Variants in PLA2G4A observed in about 807,000 individuals in gnomAD.
PLA2G4A encodes the protein phospholipase A2 group IVA, also known as cytosolic phospholipase A2.
A neutral mutation model predicts 81.9 loss-of-function variants in PLA2G4A; 40 were observed. That is an observed-to-expected ratio of 0.49 (90% CI 0.38 to 0.64). The LOEUF is 0.64. PLA2G4A is among the 30% of genes least tolerant of loss of function. PLA2G4A has a pLI of 0.00. For synonymous variants in PLA2G4A, 302 were observed against 296.9 expected, an observed-to-expected ratio of 1.02 and a Z score of -0.18; for missense variants, 715 against 905.1, an observed-to-expected ratio of 0.79 and a Z score of 2.69.
At chr1:186,836,734 T>C (rs1651791413) in intron 1 of PLA2G4A, among the ~76,000 whole-genome samples, 1 of 152,248 alleles carries the variant, frequency 6.6e-6, no homozygotes, top group Non-Finnish European at 1.5e-5. Flanking sequence ...AACAGCTACA[T>C]GCTAGGTACT....
chr1:186,875,009 A>G (rs1653414766), intron 3 of PLA2G4A, among the ~76,000 whole-genome samples: 1 of 152,098 alleles, frequency 6.6e-6, no homozygotes, highest in South Asian at 2.1e-4. Flanking sequence ...TTAAATTATA[A>G]TGTCCATATG....
At chr1:186,861,273 A>G (rs1366281979) in intron 2 of PLA2G4A, among the ~76,000 whole-genome samples, 3 of 152,078 alleles carry the variant, frequency 2.0e-5, no homozygotes, top group African/African-American at 7.2e-5. Flanking sequence ...TTGAAACAGG[A>G]GTGTGGTTTA....
At chr1:186,961,955 A>G (rs949509473) in intron 14 of PLA2G4A, among the ~76,000 whole-genome samples, 1 of 152,190 alleles carries the variant, frequency 6.6e-6, no homozygotes, top group South Asian at 2.1e-4. Flanking sequence ...TTTAAATTGC[A>G]TGCCATTCTG....
At chr1:186,844,950 C>G (rs1297078354) in intron 1 of PLA2G4A, among the ~76,000 whole-genome samples, 1 of 152,120 alleles carries the variant, frequency 6.6e-6, no homozygotes, top group Non-Finnish European at 1.5e-5. Context: ...CCTGATCACA[C>G]TGTAATCCCC....
chr1:186,928,646 C>G (rs553061547), intron 7 of PLA2G4A, among the ~76,000 whole-genome samples: 5 of 152,180 alleles, frequency 3.3e-5, no homozygotes, highest in South Asian at 2.1e-4. Flanking sequence ...TTTGAAAAAC[C>G]CTGACTAATA....
intron 6 of PLA2G4A, 71 bp downstream of exon 6, chr1:186,907,073 A>AT: frequency 2.5e-6 from 2 of 808,666 alleles, no homozygotes; most frequent in Non-Finnish European, 4.3e-6. Flanking sequence ...TTGTTAAAGA[A>AT]TTTTTTTATA....
At chr1:186,836,548 A>C (rs1170331464) in intron 1 of PLA2G4A, among the ~76,000 whole-genome samples, 1 of 152,158 alleles carries the variant, frequency 6.6e-6, no homozygotes, top group Non-Finnish European at 1.5e-5. Flanking sequence ...ATTTTTTAAT[A>C]CTTAGAAAAA....
intron 5 of PLA2G4A, among the ~76,000 whole-genome samples, chr1:186,903,894 T>C (rs1426999165): frequency 6.6e-6 from 1 of 152,180 alleles, no homozygotes; most frequent in Non-Finnish European, 1.5e-5. Context: ...CATGTTAAAA[T>C]TGTCTTCCAC....
intron 14 of PLA2G4A, among the ~76,000 whole-genome samples, chr1:186,962,297 C>G (rs567175365): frequency 7.2e-5 from 11 of 152,000 alleles, no homozygotes; most frequent in Non-Finnish European, 1.3e-4. Context: ...GAGATTTGTA[C>G]TATGCACAGT....
chr1:186,922,887 C>T (rs927518814), intron 7 of PLA2G4A, among the ~76,000 whole-genome samples: 9 of 152,168 alleles, frequency 5.9e-5, no homozygotes, highest in African/African-American at 1.7e-4. Context: ...TGACGGGGGG[C>T]TGCATGCACT....
chr1:186,869,830 G>A (rs1261743689), intron 2 of PLA2G4A, among the ~76,000 whole-genome samples: 2 of 152,106 alleles, frequency 1.3e-5, no homozygotes, highest in African/African-American at 4.8e-5. Context: ...TTCCCATTTA[G>A]GTGAAGTGTC....
Position 186,893,302 on chromosome 1 carries a change from G to C in PLA2G4A, c.264+143G>C, listed in dbSNP as rs1397650222. The stretch of plus-strand genomic sequence containing the variant: ...AGCTTGGTAGACTAGAATCTAAATG[G>C]TGTCTGTCAAGTAATATGAGTGTCT... On this transcript the variant is annotated intron_variant, in intron 4 of 17. Transcript: ENST00000367466. 7.6e-6 allele frequency: 6 copies of C among 785,508 alleles called. No homozygotes were observed. The Admixed American group carries it at 1.0e-4, about 14-fold the overall frequency. 48.7% of individuals were successfully genotyped at this position (785,508 alleles called of 1,614,324 possible). A position where few individuals can be genotyped will look rare whatever the true frequency, so the allele number is the denominator to read the frequency against.
chr1:186,840,034 G>A (rs1373078339), intron 1 of PLA2G4A, among the ~76,000 whole-genome samples: 1 of 133,668 alleles, frequency 7.5e-6, no homozygotes, highest in African/African-American at 2.9e-5. Context: ...GAAGCACAGT[G>A]GTGCAATCTT....
intron 1 of PLA2G4A, 95 bp from the exon 2 acceptor site, chr1:186,854,191 A>T: frequency 1.7e-6 from 1 of 591,142 alleles, no homozygotes; most frequent in Non-Finnish European, 3.0e-6. Context: ...GTCCTTGGGT[A>T]GACTTTTTCT....
At chr1:186,983,095 A>AG (rs1368564018) in intron 17 of PLA2G4A, among the ~76,000 whole-genome samples, 1 of 149,136 alleles carries the variant, frequency 6.7e-6, no homozygotes, top group East Asian at 1.9e-4. Context: ...AAAAAAAAAA[A>AG]AAAAGAAAAG....
intron 2 of PLA2G4A, among the ~76,000 whole-genome samples, chr1:186,865,415 A>G (rs1038468866): frequency 6.6e-6 from 1 of 152,164 alleles, no homozygotes; most frequent in Admixed American, 6.6e-5. Context: ...TCACAGTTAT[A>G]TTAGAATGAA....
At chr1:186,923,121 G>T (rs1374755778) in intron 7 of PLA2G4A, among the ~76,000 whole-genome samples, 1 of 152,052 alleles carries the variant, frequency 6.6e-6, no homozygotes, top group Non-Finnish European at 1.5e-5. Flanking sequence ...ATGAGGAGTG[G>T]TCTCCTCCCT....
At chr1:186,920,508 G>A (rs1655309938) in intron 7 of PLA2G4A, among the ~76,000 whole-genome samples, 1 of 152,182 alleles carries the variant, frequency 6.6e-6, no homozygotes, top group South Asian at 2.1e-4. Context: ...GCTCCTTGGG[G>A]GCGCTTGAGC....
At chr1:186,888,117 A>G (rs1654002761) in intron 3 of PLA2G4A, among the ~76,000 whole-genome samples, 1 of 152,200 alleles carries the variant, frequency 6.6e-6, no homozygotes, top group South Asian at 2.1e-4. Context: ...CATACATTTT[A>G]GAAAGCTGAC....
Sources: allele counts gnomAD v4.1 joint callset (sites outside exome capture counted in the v4.1 genomes callset), GRCh38; gene constraint gnomAD v4.1.1; transcripts MANE v1.5; gene names NCBI Gene and HGNC (gene_info 2026-07-23, HGNC 2026-07-21).